The following GLIS3 variants were observed in gnomAD, a reference collection of about 807,000 sequenced individuals.
GLIS3 encodes GLIS family zinc finger 3.
In GLIS3, 53 loss-of-function variants were observed where a neutral mutation model predicts 78.6. That is an observed-to-expected ratio of 0.67 (90% CI 0.54 to 0.85). The LOEUF (loss-of-function observed/expected upper bound fraction) is 0.85. Among genes scored for constraint, GLIS3 ranks in the 40% least tolerant of loss-of-function variants. The probability of loss-of-function intolerance (pLI) is 0.00; values close to 1 mark genes in which losing one functional copy is unlikely to be tolerated. For missense variants in GLIS3, 1,703 were observed against 1,231.1 expected (o/e 1.38, Z -5.74); for synonymous variants, 684 against 509.9 (o/e 1.34, Z -4.60).
chr9:4,172,133 G>GA (rs1816425816), intron 2 of GLIS3, among the ~76,000 whole-genome samples: 1 of 152,044 alleles, frequency 6.6e-6, no homozygotes, highest in Non-Finnish European at 1.5e-5. Flanking sequence ...TAAGATCTGA[G>GA]AAAAAAATGA....
chr9:3,965,895 C>T (rs897242384), intron 4 of GLIS3, among the ~76,000 whole-genome samples: 14 of 152,188 alleles, frequency 9.2e-5, no homozygotes, highest in African/African-American at 3.4e-4. Flanking sequence ...TAACTATAAC[C>T]ACTGTGTAGG....
chr9:4,240,713 C>A (rs1823220689), intron 2 of GLIS3, among the ~76,000 whole-genome samples: 1 of 152,152 alleles, frequency 6.6e-6, no homozygotes, highest in African/African-American at 2.4e-5. Flanking sequence ...TAGTCCTGTT[C>A]ATCAAATCAC....
At chr9:3,840,879 C>G (rs1369161802) in intron 9 of GLIS3, among the ~76,000 whole-genome samples, 1 of 152,180 alleles carries the variant, frequency 6.6e-6, no homozygotes, top group East Asian at 1.9e-4. Context: ...CTCATCTGGT[C>G]TGTAGCAAGC....
Position 3,824,269 on chromosome 9 carries a change from A to G in GLIS3, c.*4003T>C, listed in dbSNP as rs899170371. On this transcript the variant is annotated 3_prime_UTR_variant, in exon 11 of 11. Transcript: ENST00000381971. ...TCATATCTATAATTAAATCCAGGCT[A>G]CAGCTCTGGCCCAAAGCAATGCAGC... The G allele has an allele frequency of 1.3e-5, 2 of 152,640 alleles. No homozygotes were observed. Among genetic ancestry groups the G allele is most frequent in the African/African-American group, 2.4e-5 (1 of 41,456 alleles). The allele number at this position is 152,640 out of a possible 1,614,324, so 9.5% of individuals were successfully genotyped here.
At chr9:3,907,313 G>A (rs1379992285) in intron 6 of GLIS3, among the ~76,000 whole-genome samples, 1 of 152,138 alleles carries the variant, frequency 6.6e-6, no homozygotes, top group African/African-American at 2.4e-5. Flanking sequence ...ATCACTAACT[G>A]CCGATTGGAT....
At chr9:4,257,564 T>C (rs1361249688) in intron 2 of GLIS3, among the ~76,000 whole-genome samples, 1 of 50,292 alleles carries the variant, frequency 2.0e-5, no homozygotes, top group Non-Finnish European at 4.5e-5. Flanking sequence ...TTAACATGTA[T>C]ATGTTGTTGT....
chr9:4,484,696 C>T, the GLIS3 span, among the ~76,000 whole-genome samples: 2 of 151,988 alleles, frequency 1.3e-5, no homozygotes, highest in African/African-American at 4.8e-5. Flanking sequence ...GGATTATAGG[C>T]GTGAGCCACT....
At chr9:3,937,630 G>C (rs192591353) in intron 4 of GLIS3, among the ~76,000 whole-genome samples, 1 of 152,086 alleles carries the variant, frequency 6.6e-6, no homozygotes, top group Non-Finnish European at 1.5e-5. Flanking sequence ...TGATATATGA[G>C]AAAAAGGAGA....
intron 2 of GLIS3, among the ~76,000 whole-genome samples, chr9:4,207,482 T>C (rs1485755171): frequency 6.6e-6 from 1 of 152,226 alleles, no homozygotes; most frequent in Admixed American, 6.5e-5. Context: ...ATGGAGCAAT[T>C]TAGAGACAGG....
intron 4 of GLIS3, among the ~76,000 whole-genome samples, chr9:4,089,855 G>A (rs1295825374): frequency 6.6e-6 from 1 of 152,098 alleles, no homozygotes; most frequent in Non-Finnish European, 1.5e-5. Flanking sequence ...TGAATTCTCA[G>A]GTGTCTCCAC....
chr9:4,230,160 A>G (rs144277386), intron 2 of GLIS3, among the ~76,000 whole-genome samples: 1 of 152,374 alleles, frequency 6.6e-6, no homozygotes, highest in African/African-American at 2.4e-5. Context: ...CCTCTGATCT[A>G]AACACATATT....
intron 4 of GLIS3, among the ~76,000 whole-genome samples, chr9:3,991,483 A>T (rs16920303): frequency 0.032 from 4,887 of 152,240 alleles, 255 homozygotes; most frequent in African/African-American, 0.11. Context: ...GAGGCTTAAT[A>T]TGCTGGGAAA....
At chr9:4,289,901 T>G (rs559713078) in intron 1 of GLIS3, among the ~76,000 whole-genome samples, 1 of 152,288 alleles carries the variant, frequency 6.6e-6, no homozygotes, top group South Asian at 2.1e-4. Context: ...TACTTAACCC[T>G]AAGGAAACTA....
At chr9:4,010,925 A>G (rs1365316474) in intron 4 of GLIS3, among the ~76,000 whole-genome samples, 2 of 152,216 alleles carry the variant, frequency 1.3e-5, no homozygotes, top group Non-Finnish European at 2.9e-5. Flanking sequence ...ATGTATGTAG[A>G]TACGCATGCA....
intron 4 of GLIS3, among the ~76,000 whole-genome samples, chr9:3,968,379 G>T (rs551940796): frequency 1.3e-3 from 195 of 152,148 alleles, no homozygotes; most frequent in Non-Finnish European, 2.3e-3. Flanking sequence ...AATACAGAAA[G>T]CATATCAGTT....
chr9:4,387,425 G>C, the GLIS3 span, among the ~76,000 whole-genome samples: 7,825 of 152,142 alleles, frequency 0.051, 591 homozygotes, highest in African/African-American at 0.17. Context: ...GTCATTCATA[G>C]GTTACGGTGT....
chr9:4,315,683 G>A (rs1170713726), intron 2 of GLIS3, among the ~76,000 whole-genome samples: 2 of 152,110 alleles, frequency 1.3e-5, no homozygotes, highest in Admixed American at 6.5e-5. Flanking sequence ...AGTGGGGACT[G>A]GAGACAACCT....
the GLIS3 span, among the ~76,000 whole-genome samples, chr9:4,416,391 G>C: frequency 6.6e-6 from 1 of 151,450 alleles, no homozygotes; most frequent in Admixed American, 6.6e-5. Context: ...TAAATGTAAG[G>C]GAAAACAAAA....
intron 2 of GLIS3, among the ~76,000 whole-genome samples, chr9:4,335,520 C>T (rs2130573936): frequency 6.6e-6 from 1 of 152,328 alleles, no homozygotes; most frequent in South Asian, 2.1e-4. Context: ...TGTGCAAAGC[C>T]TTCAAGTGTG....
Sources: allele counts gnomAD v4.1 joint callset (sites outside exome capture counted in the v4.1 genomes callset), GRCh38; gene constraint gnomAD v4.1.1; transcripts MANE v1.5; gene names NCBI Gene and HGNC (gene_info 2026-07-23, HGNC 2026-07-21).